ADGRF1: variants seen among roughly 807,000 people sequenced by gnomAD.
ADGRF1 encodes adhesion G protein-coupled receptor F1, also known as G protein-coupled receptor 110.
A neutral mutation model predicts 87.2 loss-of-function variants in ADGRF1; 85 were observed. That is an observed-to-expected ratio of 0.97 (90% CI 0.82 to 1.17). The LOEUF is 1.17. ADGRF1 is among the 50% of genes most tolerant of loss of function. The pLI is 0.00. For missense variants in ADGRF1, 1,169 were observed against 1,077.2 expected (o/e 1.09, Z -1.19); for synonymous variants, 430 against 408.8 (o/e 1.05, Z -0.63).
chr6:47,006,269 T>C (rs1779525038), intron 12 of ADGRF1, among the ~76,000 whole-genome samples: 1 of 152,164 alleles, frequency 6.6e-6, no homozygotes, highest in Non-Finnish European at 1.5e-5. Flanking sequence ...GCAAAATTGT[T>C]CCTATAATTA....
chr6:47,015,148 G>C (rs1346870913), intron 8 of ADGRF1, among the ~76,000 whole-genome samples: 1 of 152,188 alleles, frequency 6.6e-6, no homozygotes. Context: ...AAGGAAAGAT[G>C]TGATTACTCT....
intron 7 of ADGRF1, chr6:47,018,416 G>A (rs1366651516): frequency 1.2e-5 from 15 of 1,285,634 alleles, no homozygotes; most frequent in African/African-American, 1.5e-5. Context: ...TTACTACATT[G>A]AACTTCTGCT....
chr6:47,016,989 T>C (rs1054861106), intron 7 of ADGRF1: 2 of 374,658 alleles, frequency 5.3e-6, no homozygotes, highest in African/African-American at 2.2e-5. Flanking sequence ...TATATACAGA[T>C]ATAATTATGG....
At chr6:47,019,140 G>T in intron 7 of ADGRF1, 1 of 337,680 alleles carries the variant, frequency 3.0e-6, no homozygotes, top group Non-Finnish European at 4.2e-6. Flanking sequence ...CTTTTACTGT[G>T]ATTTGGTCTG....
Position 47,009,316 on chromosome 6 carries a change from A to T in ADGRF1, c.2119T>A (p.Tyr707Asn). 2 of 1,614,206 alleles carry T rather than the reference A, an allele frequency of 1.2e-6. No homozygotes were observed. The highest frequency in any genetic ancestry group is 1.7e-6 in the Non-Finnish European group (2 of 1,180,030). The change falls in exon 11 of 15, where the codon TAT (tyrosine) becomes AAT (asparagine). Residue 707 changes from tyrosine (Y) to asparagine (N), a missense_variant. Coordinates refer to ENST00000371253, the MANE Select transcript of ADGRF1 (RefSeq NM_153840.4). ...ACAGATATAATGAGAGGGCACCCAT[A>T]ACCCAGGCAAAATCCAACAGCCATC... The part of the protein sequence containing the change: ...LMMAVGFCLG[Y>N]GCPLIISVIT...
At chr6:47,032,919 C>A (rs900970972) in intron 1 of ADGRF1, among the ~76,000 whole-genome samples, 1 of 152,196 alleles carries the variant, frequency 6.6e-6, no homozygotes, top group Admixed American at 6.5e-5. Context: ...AAAGGAAGGT[C>A]CACAGCAGCA....
At position 47,033,229 on chromosome 6, in the gene ADGRF1, C is replaced by T. The variant is rs117537533; in HGVS notation, c.-43-4125G>A. Reference sequence around the variant, plus strand: ...GGGAAGGCTTGGCCATGGTGGGACGCCCCCTCCGCACTTCCTTGAATTCAT... The same window carrying T: ...GGGAAGGCTTGGCCATGGTGGGACGTCCCCTCCGCACTTCCTTGAATTCAT... On this transcript the variant is annotated intron_variant, in intron 1 of 14. Coordinates refer to ENST00000371253, the MANE Select transcript of ADGRF1 (RefSeq NM_153840.4). Among the ~76,000 whole-genome samples the T allele has an allele frequency of 4.7e-3, 710 of 152,298 alleles. 6 individuals are homozygous for T. The highest frequency in any genetic ancestry group is 0.032 in the East Asian group (166 of 5,170).
At chr6:47,026,147 G>A in intron 3 of ADGRF1, 144 bp from the exon 4 acceptor site, 1 of 636,198 alleles carries the variant, frequency 1.6e-6, no homozygotes, top group Non-Finnish European at 2.6e-6. Flanking sequence ...TCCAAACATG[G>A]ACTAACAATG....
chr6:47,010,310 G>A lies in ADGRF1; in HGVS notation c.1125C>T (p.Ile375=). The change falls in exon 11 of 15, where the codon ATC becomes ATT. Residue 375 remains isoleucine (I), a synonymous_variant. Coordinates refer to ENST00000371253, the MANE Select transcript of ADGRF1 (RefSeq NM_153840.4). ...AATTAAGGATATTGTCAGCTATACT[G>A]ATGACATCCTGAAACACAAGGATGA... ...RVSNSTMEDV[I]SIADNILNSA... is the part of the protein sequence containing the mutation. 6.3e-7 allele frequency: 1 copy of A among 1,597,516 alleles called. No homozygotes were observed. Among genetic ancestry groups the A allele is most frequent in the East Asian group, 2.2e-5 (1 of 44,624 alleles).
At chr6:47,039,714 C>A (rs1780682705) in intron 1 of ADGRF1, among the ~76,000 whole-genome samples, 1 of 152,200 alleles carries the variant, frequency 6.6e-6, no homozygotes, top group Non-Finnish European at 1.5e-5. Flanking sequence ...GTAATCCCAG[C>A]ACTTTGGGAG....
chr6:47,016,584 T>G, intron 8 of ADGRF1, 33 bp downstream of exon 8: 1 of 1,557,212 alleles, frequency 6.4e-7, no homozygotes, highest in East Asian at 2.3e-5. Context: ...AGGACTCTCT[T>G]AACCTAAGCA....
chr6:47,028,128 AG>A (rs1364846455), intron 2 of ADGRF1, among the ~76,000 whole-genome samples: 4 of 152,120 alleles, frequency 2.6e-5, no homozygotes, highest in Admixed American at 1.3e-4. Context: ...AGCTTTGAAC[AG>A]GGGAAAAACA....
At chr6:47,004,484 G>A (rs1380573649) in intron 13 of ADGRF1, among the ~76,000 whole-genome samples, 1 of 152,128 alleles carries the variant, frequency 6.6e-6, no homozygotes, top group African/African-American at 2.4e-5. Context: ...GAGAGAAACT[G>A]TTAGGCATTC....
At position 47,010,585 on chromosome 6, in the gene ADGRF1, A is replaced by G. The variant is rs762033091; in HGVS notation, c.1117-267T>C. 7.6e-4 allele frequency among the ~76,000 whole-genome samples: 116 copies of G among 152,320 alleles called. 1 individual carries two copies. The highest frequency in any genetic ancestry group is 1.9e-4 in the Non-Finnish European group (13 of 68,028). ...ATGCACTGAGGCTTCAGGATGAATG[A>G]GAAAGAATCCTGCAATTTCAGCTGC... On this transcript the variant is annotated intron_variant, in intron 10 of 14. Coordinates refer to ENST00000371253, the MANE Select transcript of ADGRF1 (RefSeq NM_153840.4).
chr6:47,001,458 T>G (rs1269914855), intron 14 of ADGRF1, 43 bp downstream of exon 14: 2 of 1,521,358 alleles, frequency 1.3e-6, no homozygotes, highest in Non-Finnish European at 1.8e-6. Flanking sequence ...ACTCATATAC[T>G]CTTTTCACAC....
Position 46,997,741 on chromosome 6 carries a change from A to C in ADGRF1, c.*2481T>G, listed in dbSNP as rs189137420. On this transcript the variant is annotated 3_prime_UTR_variant, in exon 15 of 15. Coordinates refer to ENST00000371253, the MANE Select transcript of ADGRF1 (RefSeq NM_153840.4). Reference sequence around the variant, plus strand: ...TTCATTATTTTATTGTTGTTTTAGTAGCATTTTGAGGTGAATGTATGCATA... The same window carrying C: ...TTCATTATTTTATTGTTGTTTTAGTCGCATTTTGAGGTGAATGTATGCATA... 1 of 152,222 alleles carries C rather than the reference A, an allele frequency of 6.6e-6. No individual in the cohort carries two copies. Among genetic ancestry groups the C allele is most frequent in the Non-Finnish European group, 1.5e-5 (1 of 68,032 alleles). 9.4% of individuals were successfully genotyped at this position (152,222 alleles called of 1,614,324 possible).
At position 47,029,054 on chromosome 6, in the gene ADGRF1, A is replaced by G; in HGVS notation, c.8T>C (p.Val3Ala). MKVGVLWLISFFT... is the reference protein window; with the variant it reads MKAGVLWLISFFT... ...GAAAGAAATGAGCCACAGCACTCCA[A>G]CTTTCATTTTCCCTGGACTGAACAG... Residue 3 changes from valine to alanine, a missense_variant, in exon 2 of 15, where the codon GTT becomes GCT. Physicochemically the swap from Val to Ala is moderately conservative, Grantham distance 64. Transcript: ENST00000371253. 5.0e-6 allele frequency: 8 copies of G among 1,614,060 alleles called. No individual in the cohort carries two copies. The highest frequency in any genetic ancestry group is 6.8e-6 in the Non-Finnish European group (8 of 1,179,944).
At chr6:47,032,909 A>C (rs1279494625) in intron 1 of ADGRF1, among the ~76,000 whole-genome samples, 3 of 152,184 alleles carry the variant, frequency 2.0e-5, no homozygotes, top group Non-Finnish European at 4.4e-5. Context: ...TATCTGACTC[A>C]AAGGAAGGTC....
chr6:47,020,147 A>G (rs1780001987), intron 7 of ADGRF1: 1 of 1,092,570 alleles, frequency 9.2e-7, no homozygotes, highest in Non-Finnish European at 1.1e-6. Context: ...CCCTACTGCT[A>G]TTGTTTTGTA....
Sources: allele counts gnomAD v4.1 joint callset (sites outside exome capture counted in the v4.1 genomes callset), GRCh38; gene constraint gnomAD v4.1.1; transcripts MANE v1.5; gene names NCBI Gene and HGNC (gene_info 2026-07-23, HGNC 2026-07-21).